The following LOC400499 variants were observed in gnomAD, a reference collection of about 807,000 sequenced individuals.
chr16:11,453,359 G>A, the LOC400499 span, among the ~76,000 whole-genome samples: 469 of 152,136 alleles, frequency 3.1e-3, 2 homozygotes, highest in African/African-American at 0.011. Flanking sequence ...TTGAGCAGCC[G>A]ACTCAAGCAT....
chr16:11,482,782 C>G, the LOC400499 span, among the ~76,000 whole-genome samples: 13 of 151,858 alleles, frequency 8.6e-5, no homozygotes, highest in South Asian at 2.7e-3. Context: ...GTCCCAGCTA[C>G]TCAAGTGGCT....
chr16:11,405,717 C>T, the LOC400499 span, among the ~76,000 whole-genome samples: 1 of 152,188 alleles, frequency 6.6e-6, no homozygotes, highest in African/African-American at 2.4e-5. Context: ...TGCCCCTGCC[C>T]ATTATGGGGC....
At chr16:11,404,873 G>A in the LOC400499 span, 1 of 398,962 alleles carries the variant, frequency 2.5e-6, no homozygotes, top group Non-Finnish European at 4.4e-6. Context: ...TGAGCTGGAA[G>A]AGAATGACGG....
the LOC400499 span, among the ~76,000 whole-genome samples, chr16:11,474,055 C>T: frequency 6.6e-6 from 1 of 152,218 alleles, no homozygotes; most frequent in African/African-American, 2.4e-5. Flanking sequence ...GACAAGGTCT[C>T]ACTATGTTAC....
chr16:11,457,697 C>T, the LOC400499 span, among the ~76,000 whole-genome samples: 1 of 151,936 alleles, frequency 6.6e-6, no homozygotes. Context: ...GAATCGAAAG[C>T]ATCAGATATT....
chr16:11,489,212 TCA>T, the LOC400499 span, among the ~76,000 whole-genome samples: 1 of 152,192 alleles, frequency 6.6e-6, no homozygotes, highest in African/African-American at 2.4e-5. Context: ...TCTCCGAGCC[TCA>T]GTTTCCTCAT....
chr16:11,399,840 GT>G, the LOC400499 span: 21 of 398,822 alleles, frequency 5.3e-5, no homozygotes, highest in African/African-American at 4.1e-4. Context: ...GAGGGCAGTG[GT>G]GGGGAAAGGG....
chr16:11,418,410 C>A, the LOC400499 span, among the ~76,000 whole-genome samples: 5 of 152,138 alleles, frequency 3.3e-5, no homozygotes, highest in Admixed American at 1.3e-4. Context: ...AAGAAGCTGG[C>A]TAAATCCCAC....
the LOC400499 span, among the ~76,000 whole-genome samples, chr16:11,522,273 C>T: frequency 6.6e-6 from 1 of 152,144 alleles, no homozygotes; most frequent in African/African-American, 2.4e-5. Flanking sequence ...TGCATACCCT[C>T]ATAAGGGTGA....
chr16:11,385,464 C>T, the LOC400499 span: 46 of 1,195,710 alleles, frequency 3.8e-5, no homozygotes, highest in Non-Finnish European at 4.6e-5. Context: ...CAGCTCCACC[C>T]ACCGCAGTAG....
the LOC400499 span, among the ~76,000 whole-genome samples, chr16:11,510,323 C>G: frequency 2.0e-5 from 3 of 151,806 alleles, no homozygotes; most frequent in African/African-American, 7.3e-5. Flanking sequence ...CACATTCATC[C>G]ATCTAATCCT....
the LOC400499 span, chr16:11,516,002 G>C: frequency 2.5e-6 from 1 of 399,778 alleles, no homozygotes; most frequent in East Asian, 3.6e-5. Flanking sequence ...CAGGTCCTTT[G>C]TCTTGTGTAG....
chr16:11,483,527 GC>G, the LOC400499 span, among the ~76,000 whole-genome samples: 7 of 152,100 alleles, frequency 4.6e-5, no homozygotes, highest in Admixed American at 4.6e-4. Flanking sequence ...GAATAATTAT[GC>G]TGAATAAAAG....
At chr16:11,519,900 TC>T in the LOC400499 span, among the ~76,000 whole-genome samples, 2 of 151,962 alleles carry the variant, frequency 1.3e-5, no homozygotes, top group African/African-American at 4.8e-5. Context: ...ACAGGGTTTT[TC>T]CATGTTGGTC....
At chr16:11,412,717 G>C in the LOC400499 span, 4 of 396,308 alleles carry the variant, frequency 1.0e-5, no homozygotes, top group African/African-American at 8.2e-5. Context: ...GAGCCTCCCT[G>C]CCCTTGTTTA....
the LOC400499 span, among the ~76,000 whole-genome samples, chr16:11,448,546 AC>A: frequency 8.6e-3 from 1,280 of 147,982 alleles, 15 homozygotes; most frequent in African/African-American, 0.027. Context: ...AAACAAACAA[AC>A]AAACAAACAA....
At chr16:11,443,348 A>G in the LOC400499 span, 1 of 392,922 alleles carries the variant, frequency 2.5e-6, no homozygotes, top group East Asian at 7.6e-5. Flanking sequence ...AAAAAAAAAA[A>G]AAAAAAAAAA....
the LOC400499 span, among the ~76,000 whole-genome samples, chr16:11,426,447 A>C: frequency 4.6e-5 from 7 of 152,184 alleles, no homozygotes; most frequent in African/African-American, 7.2e-5. Context: ...TGTCTCTAAA[A>C]AACAACAACA....
chr16:11,526,161 C>A, the LOC400499 span, among the ~76,000 whole-genome samples: 3 of 152,232 alleles, frequency 2.0e-5, no homozygotes, highest in Non-Finnish European at 2.9e-5. Context: ...AAAGACCCCA[C>A]AATCTGGCCC....
Sources: allele counts gnomAD v4.1 joint callset (sites outside exome capture counted in the v4.1 genomes callset), GRCh38; gene constraint gnomAD v4.1.1; transcripts MANE v1.5.